MOB4: variants seen among roughly 807,000 people sequenced by gnomAD.
MOB4 encodes MOB-like protein phocein.
A neutral mutation model predicts 32.2 loss-of-function variants in MOB4; 4 were observed. The observed-to-expected ratio is 0.12, with a 90% CI of 0.06 to 0.28. The LOEUF (loss-of-function observed/expected upper bound fraction) is 0.28. Among genes scored for constraint, MOB4 ranks in the 10% least tolerant of loss-of-function variants. The probability of loss-of-function intolerance (pLI) is 1.00; values close to 1 mark genes in which losing one functional copy is unlikely to be tolerated. For synonymous variants in MOB4, 88 were observed against 88.1 expected, an observed-to-expected ratio of 1.00 and a Z score of 0.01; for missense variants, 158 against 271.2, an observed-to-expected ratio of 0.58 and a Z score of 2.93.
intron 2 of MOB4, among the ~76,000 whole-genome samples, chr2:197,532,489 T>C (rs1245569550): frequency 2.0e-5 from 3 of 150,964 alleles, no homozygotes; most frequent in Admixed American, 6.6e-5. Context: ...GCTTAAGGGG[T>C]CTTGAATTAG....
chr2:197,550,132 G>C (rs2087072813), intron 6 of MOB4, 143 bp from the exon 7 acceptor site: 2 of 619,314 alleles, frequency 3.2e-6, no homozygotes, highest in African/African-American at 3.7e-5. Flanking sequence ...GGGGCTCCAG[G>C]CATTTACTCG....
chr2:197,540,494 A>G, intron 5 of MOB4, 57 bp downstream of exon 5: 1 of 1,459,984 alleles, frequency 6.8e-7, no homozygotes, highest in Admixed American at 2.5e-5. Flanking sequence ...AATCTCTCTC[A>G]AGACAATGTT....
At position 197,552,568 on chromosome 2, in the gene MOB4, T is replaced by G. The variant is rs1200359478; in HGVS notation, c.*1922T>G. ...TTTTTTTTTCTTACTCATTTCACCT[T>G]CCCTGTACTGTATGTTTGGAATTGA... On this transcript the variant is annotated 3_prime_UTR_variant, in exon 8 of 8. Coordinates refer to ENST00000323303, the MANE Select transcript of MOB4 (RefSeq NM_015387.5). The G allele has an allele frequency of 5.3e-5, 8 of 152,298 alleles. No individual in the cohort carries two copies. The allele number at this position is 152,298 out of a possible 1,614,324, so 9.4% of individuals were successfully genotyped here. A position where few individuals can be genotyped will look rare whatever the true frequency, so the allele number is the denominator to read the frequency against.
intron 5 of MOB4, among the ~76,000 whole-genome samples, chr2:197,547,814 G>A (rs1279799601): frequency 6.6e-6 from 1 of 152,124 alleles, no homozygotes. Flanking sequence ...TAAATTTACT[G>A]AGTTGCCATG....
chr2:197,520,784 A>G (rs1266666330), intron 1 of MOB4, among the ~76,000 whole-genome samples: 1 of 151,216 alleles, frequency 6.6e-6, no homozygotes, highest in Non-Finnish European at 1.5e-5. Flanking sequence ...TAAGCTGGGC[A>G]TGGTGGCTCA....
At chr2:197,541,951 TTGTATC>T (rs1285748809) in intron 5 of MOB4, among the ~76,000 whole-genome samples, 2 of 152,166 alleles carry the variant, frequency 1.3e-5, no homozygotes, top group African/African-American at 4.8e-5. Context: ...AATAAAAAGA[TTGTATC>T]TGTCTACATC....
At chr2:197,526,884 C>T (rs892166448) in intron 2 of MOB4, among the ~76,000 whole-genome samples, 2 of 152,150 alleles carry the variant, frequency 1.3e-5, no homozygotes, top group African/African-American at 4.8e-5. Context: ...CAGTATCACA[C>T]AGTGTTTGAT....
At chr2:197,531,898 G>A (rs2086712470) in intron 2 of MOB4, among the ~76,000 whole-genome samples, 4 of 151,816 alleles carry the variant, frequency 2.6e-5, no homozygotes, top group Admixed American at 2.6e-4. Flanking sequence ...AAGTGTGGAG[G>A]ACTCATTATA....
chr2:197,523,512 A>G (rs891938263), intron 1 of MOB4, 112 bp from the exon 2 acceptor site: 2 of 1,025,534 alleles, frequency 2.0e-6, no homozygotes, highest in Admixed American at 3.1e-5. Flanking sequence ...TGATAATTAC[A>G]TTGCAAAAGT....
intron 3 of MOB4, 41 bp from the exon 4 acceptor site, chr2:197,540,070 A>G: frequency 1.3e-6 from 2 of 1,562,204 alleles, no homozygotes; most frequent in South Asian, 1.2e-5. Context: ...ATTGCTGTGA[A>G]GAATAGATAT....
At chr2:197,523,147 T>C (rs1229595148) in intron 1 of MOB4, among the ~76,000 whole-genome samples, 3 of 152,062 alleles carry the variant, frequency 2.0e-5, no homozygotes, top group Non-Finnish European at 2.9e-5. Flanking sequence ...TTGAGAGATA[T>C]TTAACCATCA....
chr2:197,517,267 C>A (rs985727636), intron 1 of MOB4, among the ~76,000 whole-genome samples: 9 of 152,202 alleles, frequency 5.9e-5, no homozygotes, highest in African/African-American at 2.2e-4. Context: ...TTCTCTTTAA[C>A]AAGCTGCTTC....
At chr2:197,518,313 A>C (rs1353658243) in intron 1 of MOB4, among the ~76,000 whole-genome samples, 1 of 150,760 alleles carries the variant, frequency 6.6e-6, no homozygotes, top group East Asian at 2.0e-4. Flanking sequence ...TGTTGCCCCC[A>C]AGCTGGAGTG....
chr2:197,534,200 T>C (rs1028442126), intron 2 of MOB4, among the ~76,000 whole-genome samples: 1 of 152,216 alleles, frequency 6.6e-6, no homozygotes, highest in African/African-American at 2.4e-5. Context: ...TCAAGAAAGA[T>C]TGTCTGAAGT....
At chr2:197,530,620 GGT>G in intron 2 of MOB4, among the ~76,000 whole-genome samples, 1 of 150,994 alleles carries the variant, frequency 6.6e-6, no homozygotes, top group East Asian at 2.0e-4. Context: ...CTTCTTTAGT[GGT>G]GTTTTTTTCT....
chr2:197,531,076 C>G (rs1371453549), intron 2 of MOB4, among the ~76,000 whole-genome samples: 3 of 148,136 alleles, frequency 2.0e-5, no homozygotes, highest in Admixed American at 1.4e-4. Flanking sequence ...GAGGCAGAGT[C>G]TCGCTCTTTC....
At chr2:197,540,646 T>G (rs1009349723) in intron 5 of MOB4, among the ~76,000 whole-genome samples, 1 of 152,254 alleles carries the variant, frequency 6.6e-6, no homozygotes, top group African/African-American at 2.4e-5. Flanking sequence ...TTACATGGGC[T>G]AGAACTCACT....
intron 5 of MOB4, among the ~76,000 whole-genome samples, chr2:197,546,799 G>GT (rs1313123086): frequency 6.6e-6 from 1 of 152,120 alleles, no homozygotes; most frequent in Non-Finnish European, 1.5e-5. Flanking sequence ...GAAAATCTGA[G>GT]TATCTAACTT....
chr2:197,516,134 C>A lies in MOB4; in HGVS notation c.48C>A (p.Gly16=). ...GTAVLRRNRP[G]TKAQDFYNWP... is the part of the protein sequence containing the mutation. ...CAGTGCTGAGGCGGAACAGGCCGGG[C>A]ACCAAGGCGCAGGTACCATGTCTGC... Residue 16 remains glycine (G), a synonymous_variant, in exon 1 of 8, where the codon GGC becomes GGA. Transcript: ENST00000323303. The A allele has an allele frequency of 6.2e-7, 1 of 1,603,686 alleles. No individual in the cohort carries two copies. Among genetic ancestry groups the A allele is most frequent in the Non-Finnish European group, 8.5e-7 (1 of 1,176,224 alleles).
Sources: gnomAD v4.1 joint callset for allele counts (sites outside exome capture counted in the v4.1 genomes callset) on GRCh38, gnomAD v4.1.1 for gene constraint, MANE v1.5 for transcripts, NCBI Gene and HGNC (gene_info 2026-07-23, HGNC 2026-07-21) for gene names.